ACBD6: variants seen among roughly 807,000 people sequenced by gnomAD.
The protein encoded by ACBD6 is acyl-CoA binding domain containing 6.
In ACBD6, 28 loss-of-function variants were observed where a neutral mutation model predicts 37.2. The ratio of observed to expected loss-of-function variants is 0.75; its 90% CI spans 0.56 to 1.03. The LOEUF (loss-of-function observed/expected upper bound fraction) is 1.03. Among genes scored for constraint, ACBD6 ranks in the 50% least tolerant of loss-of-function variants. The pLI is 0.00. For missense variants in ACBD6, 340 were observed against 337.4 expected (o/e 1.01, Z -0.06); for synonymous variants, 113 against 126.8 (o/e 0.89, Z 0.73).
At chr1:180,322,285 G>A (rs1467265220) in intron 6 of ACBD6, among the ~76,000 whole-genome samples, 1 of 151,966 alleles carries the variant, frequency 6.6e-6, no homozygotes, top group Non-Finnish European at 1.5e-5. Flanking sequence ...GAGGATTTCT[G>A]AATCAATATT....
chr1:180,486,317 T>C (rs1225973556), intron 3 of ACBD6, among the ~76,000 whole-genome samples: 1 of 152,142 alleles, frequency 6.6e-6, no homozygotes, highest in African/African-American at 2.4e-5. Flanking sequence ...AAAATCAATG[T>C]GAGGGACACA....
intron 8 of ACBD6, among the ~76,000 whole-genome samples, chr1:180,281,915 A>G (rs1024985884): frequency 2.6e-5 from 4 of 152,218 alleles, no homozygotes; most frequent in Non-Finnish European, 4.4e-5. Flanking sequence ...GGGGAAGAGT[A>G]TATCACATCC....
chr1:180,389,314 C>T (rs891891880), intron 6 of ACBD6, among the ~76,000 whole-genome samples: 3 of 152,164 alleles, frequency 2.0e-5, no homozygotes, highest in Non-Finnish European at 4.4e-5. Flanking sequence ...ATCCATGTCC[C>T]TACAAAGAAC....
At chr1:180,387,062 C>G (rs552322965) in intron 6 of ACBD6, among the ~76,000 whole-genome samples, 1 of 152,298 alleles carries the variant, frequency 6.6e-6, no homozygotes, top group South Asian at 2.1e-4. Flanking sequence ...AGCTCCTGAT[C>G]TACTTTTAGG....
chr1:180,444,772 T>G (rs1649415063), intron 3 of ACBD6, among the ~76,000 whole-genome samples: 1 of 152,324 alleles, frequency 6.6e-6, no homozygotes, highest in South Asian at 2.1e-4. Flanking sequence ...GTTCTTACAT[T>G]GCCTGAGACT....
intron 7 of ACBD6, among the ~76,000 whole-genome samples, chr1:180,294,674 A>G (rs1649850471): frequency 6.7e-6 from 1 of 150,280 alleles, no homozygotes; most frequent in African/African-American, 2.4e-5. Context: ...ATATCCTTTC[A>G]TTCCTGAAAC....
At chr1:180,402,695 G>A (rs972226566) in intron 5 of ACBD6, among the ~76,000 whole-genome samples, 2 of 151,884 alleles carry the variant, frequency 1.3e-5, no homozygotes, top group African/African-American at 2.4e-5. Context: ...CAGGAGGCTC[G>A]GCTCAACAGG....
At chr1:180,286,665 T>C (rs746332556), downstream of ACBD6, among the ~76,000 whole-genome samples, 1 of 152,212 alleles carries the variant, frequency 6.6e-6, no homozygotes, top group Non-Finnish European at 1.5e-5. Flanking sequence ...TCTACTAGAA[T>C]TACAGCATTT....
At chr1:180,431,222 C>A (rs1278678824) in intron 3 of ACBD6, among the ~76,000 whole-genome samples, 1 of 151,840 alleles carries the variant, frequency 6.6e-6, no homozygotes, top group African/African-American at 2.4e-5. Flanking sequence ...ACCCCCTTCC[C>A]CGGAGATAGC....
chr1:180,495,574 G>A, intron 1 of ACBD6, 49 bp from the exon 2 acceptor site: 1 of 1,436,434 alleles, frequency 7.0e-7, no homozygotes, highest in Non-Finnish European at 9.8e-7. Context: ...AGAAATGTCT[G>A]GGAAACTTTT....
At chr1:180,376,414 C>T (rs1013892043) in intron 6 of ACBD6, among the ~76,000 whole-genome samples, 3 of 152,184 alleles carry the variant, frequency 2.0e-5, no homozygotes, top group Admixed American at 1.3e-4. Flanking sequence ...AATTGCAAAG[C>T]GTTAGACATT....
intron 1 of ACBD6, among the ~76,000 whole-genome samples, chr1:180,500,691 T>C (rs1309664712): frequency 3.2e-5 from 4 of 126,698 alleles, no homozygotes; most frequent in South Asian, 5.0e-4. Context: ...CAAAACTCCA[T>C]CTCAAAAAAA....
chr1:180,496,863 G>A (rs1053250726), intron 1 of ACBD6, among the ~76,000 whole-genome samples: 2 of 151,384 alleles, frequency 1.3e-5, no homozygotes, highest in Admixed American at 6.6e-5. Flanking sequence ...TCTCAAATGG[G>A]CCAAAAAAAA....
chr1:180,479,211 C>T (rs1024300692), intron 3 of ACBD6, among the ~76,000 whole-genome samples: 2 of 152,146 alleles, frequency 1.3e-5, no homozygotes, highest in African/African-American at 4.8e-5. Flanking sequence ...CTTATTGCAG[C>T]ACTATTCACA....
intron 5 of ACBD6, among the ~76,000 whole-genome samples, chr1:180,410,179 C>A (rs1294496026): frequency 6.6e-6 from 1 of 152,218 alleles, no homozygotes; most frequent in Non-Finnish European, 1.5e-5. Context: ...AAGTCTGAAG[C>A]TAGCAAAGGC....
intron 3 of ACBD6, among the ~76,000 whole-genome samples, chr1:180,452,097 A>G (rs899132120): frequency 2.0e-5 from 3 of 152,208 alleles, no homozygotes; most frequent in Admixed American, 2.0e-4. Flanking sequence ...GGACACAGCT[A>G]AAGCAGTGTT....
intron 6 of ACBD6, among the ~76,000 whole-genome samples, chr1:180,370,446 A>C (rs1057491978): frequency 6.6e-6 from 1 of 152,186 alleles, no homozygotes; most frequent in African/African-American, 2.4e-5. Context: ...TACACAAGAG[A>C]CCACTAGGAA....
chr1:180,473,434 G>A (rs1483550102), intron 3 of ACBD6, among the ~76,000 whole-genome samples: 6 of 134,274 alleles, frequency 4.5e-5, no homozygotes, highest in African/African-American at 1.1e-4. Context: ...GCGACAGAGC[G>A]AGACTCCGTC....
intron 7 of ACBD6, among the ~76,000 whole-genome samples, chr1:180,308,709 G>A (rs2149288120): frequency 6.6e-6 from 1 of 152,220 alleles, no homozygotes. Context: ...ATTACTTCTA[G>A]TTCAAGAGGT....
Sources: allele counts gnomAD v4.1 joint callset (sites outside exome capture counted in the v4.1 genomes callset), GRCh38; gene constraint gnomAD v4.1.1; transcripts MANE v1.5; gene names NCBI Gene and HGNC (gene_info 2026-07-23, HGNC 2026-07-21).